The following PRR16 variants were observed in gnomAD, a reference collection of about 807,000 sequenced individuals.
PRR16 encodes the protein proline rich 16, also known as protein Largen.
Under a neutral mutation model 18.2 loss-of-function variants are expected in PRR16, and 6 were observed. The observed-to-expected ratio is 0.33, with a 90% confidence interval of 0.18 to 0.65. The LOEUF (loss-of-function observed/expected upper bound fraction) is 0.65. Ranked by LOEUF, PRR16 falls within the 30% of genes least tolerant of loss-of-function variation. The pLI is 0.74. For missense variants in PRR16, 412 were observed against 376.6 expected (o/e 1.09, Z -0.78); for synonymous variants, 151 against 147.8 (o/e 1.02, Z -0.16).
chr5:120,478,338 G>C (rs1749506997), intron 1 of PRR16, among the ~76,000 whole-genome samples: 1 of 152,060 alleles, frequency 6.6e-6, no homozygotes, highest in Non-Finnish European at 1.5e-5. Flanking sequence ...TTTTGGATTG[G>C]CTGGCGGGAG....
At chr5:120,659,372 T>C (rs535746349) in intron 1 of PRR16, among the ~76,000 whole-genome samples, 1 of 151,998 alleles carries the variant, frequency 6.6e-6, no homozygotes, top group East Asian at 1.9e-4. Context: ...TTGGCAATTT[T>C]TAAATGTCAA....
At chr5:120,674,814 A>G (rs1756739898) in intron 1 of PRR16, among the ~76,000 whole-genome samples, 1 of 151,738 alleles carries the variant, frequency 6.6e-6, no homozygotes, top group Non-Finnish European at 1.5e-5. Flanking sequence ...TTTTTCTTGT[A>G]TTTTTAAAAT....
intron 1 of PRR16, among the ~76,000 whole-genome samples, chr5:120,648,113 C>G (rs1007955388): frequency 6.6e-6 from 1 of 151,970 alleles, no homozygotes. Context: ...TATTAATATG[C>G]TAATTTCCAA....
At chr5:120,627,594 A>T (rs978095573) in intron 1 of PRR16, among the ~76,000 whole-genome samples, 3 of 152,036 alleles carry the variant, frequency 2.0e-5, no homozygotes, top group Non-Finnish European at 4.4e-5. Context: ...TGAATGCATC[A>T]TTTTTCACTA....
rs748069543 is a variant in PRR16 at position 120,686,323 on chromosome 5, A to C, written c.529A>C (p.Ser177Arg). 7 of 1,614,172 alleles carry C rather than the reference A, an allele frequency of 4.3e-6. No homozygotes were observed. Among genetic ancestry groups the C allele is most frequent in the South Asian group, 1.1e-5 (1 of 91,088 alleles). ...PNGDICCIPN[S>R]NLDKAPVQLL... ...TGGAGATATCTGCTGCATACCCAAC[A>C]GTAACTTGGACAAGGCTCCAGTCCA... The change falls in exon 2 of 2, where the codon AGT becomes CGT. Residue 177 changes from serine (S) to arginine (R), a missense_variant. Coordinates refer to ENST00000407149, the MANE Select transcript of PRR16 (RefSeq NM_001300783.2).
At chr5:120,546,886 C>T (rs951405017) in intron 1 of PRR16, among the ~76,000 whole-genome samples, 2 of 151,996 alleles carry the variant, frequency 1.3e-5, no homozygotes, top group Admixed American at 6.6e-5. Context: ...CAGCACTAAC[C>T]CATAGGCCGT....
At chr5:120,791,584 C>CATCTATCTATCAATCTATCT in the PRR16 span, among the ~76,000 whole-genome samples, 3 of 127,392 alleles carry the variant, frequency 2.4e-5, no homozygotes. Flanking sequence ...GAACTTCTAT[C>CATCTATCTATCAATCTATCT]ATCTATCTAT....
At chr5:120,736,887 T>C in the PRR16 span, among the ~76,000 whole-genome samples, 3 of 152,242 alleles carry the variant, frequency 2.0e-5, no homozygotes, top group East Asian at 5.8e-4. Flanking sequence ...CATTTGGTGT[T>C]GATCATTATC....
At chr5:120,745,525 A>T in the PRR16 span, among the ~76,000 whole-genome samples, 1 of 151,998 alleles carries the variant, frequency 6.6e-6, no homozygotes, top group African/African-American at 2.4e-5. Context: ...TGCGTGAAGC[A>T]TTCAGGGTTT....
intron 1 of PRR16, among the ~76,000 whole-genome samples, chr5:120,645,313 T>C (rs1239104069): frequency 6.6e-6 from 1 of 151,720 alleles, no homozygotes; most frequent in African/African-American, 2.4e-5. Context: ...CATGAAAGTT[T>C]GGTTACACAC....
chr5:120,623,239 A>T (rs1754749656), intron 1 of PRR16, among the ~76,000 whole-genome samples: 1 of 152,152 alleles, frequency 6.6e-6, no homozygotes, highest in Non-Finnish European at 1.5e-5. Flanking sequence ...TGGCAACAGT[A>T]TCAAGAGACA....
chr5:120,672,327 T>C (rs1181631539), intron 1 of PRR16, among the ~76,000 whole-genome samples: 1 of 147,258 alleles, frequency 6.8e-6, no homozygotes, highest in Non-Finnish European at 1.5e-5. Flanking sequence ...GAATGCCTTA[T>C]ATAAGAACCC....
chr5:120,626,471 A>G (rs1161043204), intron 1 of PRR16, among the ~76,000 whole-genome samples: 2 of 152,168 alleles, frequency 1.3e-5, no homozygotes, highest in Non-Finnish European at 2.9e-5. Context: ...GATGACTGCA[A>G]ATGAGCATGA....
chr5:120,738,781 T>C, the PRR16 span, among the ~76,000 whole-genome samples: 8 of 152,250 alleles, frequency 5.3e-5, no homozygotes, highest in East Asian at 1.9e-4. Flanking sequence ...TCAGTAATCA[T>C]AGCTTTTAGC....
At chr5:120,790,525 G>A in the PRR16 span, 2 of 152,214 alleles carry the variant, frequency 1.3e-5, no homozygotes, top group African/African-American at 4.8e-5. Flanking sequence ...GAATGTTGCT[G>A]TTTGCAGACA....
the PRR16 span, among the ~76,000 whole-genome samples, chr5:120,710,189 A>T: frequency 6.6e-6 from 1 of 152,154 alleles, no homozygotes; most frequent in South Asian, 2.1e-4. Context: ...GAAATGATAT[A>T]TTTTTATCAT....
intron 1 of PRR16, among the ~76,000 whole-genome samples, chr5:120,653,298 G>T (rs1191828746): frequency 6.8e-6 from 1 of 146,750 alleles, no homozygotes; most frequent in Non-Finnish European, 1.5e-5. Context: ...TTCAATAAAA[G>T]TAAAAAAAAA....
intron 1 of PRR16, among the ~76,000 whole-genome samples, chr5:120,596,492 G>A (rs778405774): frequency 9.2e-5 from 14 of 151,664 alleles, no homozygotes; most frequent in Non-Finnish European, 1.8e-4. Flanking sequence ...GTTGTAGGAA[G>A]CATTTTTCTC....
intron 1 of PRR16, among the ~76,000 whole-genome samples, chr5:120,544,755 G>T (rs548489518): frequency 1.3e-5 from 2 of 151,956 alleles, no homozygotes; most frequent in African/African-American, 4.8e-5. Flanking sequence ...GCCCAGGCTG[G>T]TTTTGAGACT....
Sources: gnomAD v4.1 joint callset for allele counts (sites outside exome capture counted in the v4.1 genomes callset) on GRCh38, gnomAD v4.1.1 for gene constraint, MANE v1.5 for transcripts, NCBI Gene and HGNC (gene_info 2026-07-23, HGNC 2026-07-21) for gene names.